Variants in ATP8B4 observed in about 807,000 individuals in gnomAD.
ATP8B4 encodes probable phospholipid-transporting ATPase IM.
Under a neutral mutation model 145.6 loss-of-function variants are expected in ATP8B4, and 133 were observed. That is an observed-to-expected ratio of 0.91 (90% CI 0.79 to 1.05). The LOEUF is 1.05. Ranked by LOEUF, ATP8B4 falls within the 50% of genes least tolerant of loss-of-function variation. The probability of loss-of-function intolerance (pLI) is 0.00; values close to 1 mark genes in which losing one functional copy is unlikely to be tolerated. For missense variants in ATP8B4, 1,458 were observed against 1,425.2 expected, an observed-to-expected ratio of 1.02 and a Z score of -0.37; for synonymous variants, 507 against 492.9, an observed-to-expected ratio of 1.03 and a Z score of -0.38.
Position 49,878,074 on chromosome 15 carries a change from A to G in ATP8B4, c.2781+1302T>C, listed in dbSNP as rs185903624. Among the ~76,000 whole-genome samples, 359 of 152,308 alleles carry G rather than the reference A, an allele frequency of 2.4e-3. 3 individuals carry two copies. Among genetic ancestry groups the G allele is most frequent in the African/African-American group, 8.3e-3 (347 of 41,562 alleles). On this transcript the variant is annotated intron_variant, in intron 24 of 27. Transcript: ENST00000284509. ...TAAGGGCCAAGGTTGACAAAGCAGGAAAGGAGAGAGGAGCAGACACTCAAC... is the reference window on the plus strand; with the variant it reads ...TAAGGGCCAAGGTTGACAAAGCAGGGAAGGAGAGAGGAGCAGACACTCAAC...
rs770659211 is a variant in ATP8B4, at chr15:50,002,202, T to A, written c.457A>T (p.Ser153Cys). ...TAACAGAGACCATGTGGCTCACTAC[T>A]TGATAGGAGAAGTAAATCAGCCTAT... ...FVAADLLLLS[S>C]SEPHGLCYVE... The change falls in exon 8 of 28, where the codon AGT becomes TGT. Residue 153 changes from serine to cysteine, a missense_variant. Coordinates refer to ENST00000284509, the MANE Select transcript of ATP8B4 (RefSeq NM_024837.4). 3 of 1,610,846 alleles carry A rather than the reference T, an allele frequency of 1.9e-6. No individual in the cohort carries two copies. In the South Asian group the frequency reaches 3.3e-5, roughly 18 times the overall value.
intron 20 of ATP8B4, among the ~76,000 whole-genome samples, chr15:49,910,606 A>G (rs1424905349): frequency 6.6e-6 from 1 of 152,204 alleles, no homozygotes; most frequent in Non-Finnish European, 1.5e-5. Flanking sequence ...AGAGAAAAGC[A>G]TCTAGTCACC....
chr15:49,988,183 G>A (rs1351695834), intron 9 of ATP8B4, among the ~76,000 whole-genome samples: 1 of 152,160 alleles, frequency 6.6e-6, no homozygotes, highest in African/African-American at 2.4e-5. Flanking sequence ...CTGGCTAGAA[G>A]ATGTTTCTAG....
intron 6 of ATP8B4, among the ~76,000 whole-genome samples, chr15:50,038,354 A>G (rs1050423839): frequency 6.6e-6 from 1 of 152,218 alleles, no homozygotes; most frequent in Non-Finnish European, 1.5e-5. Context: ...TGAATACAAA[A>G]TTCTTATCAC....
intron 5 of ATP8B4, among the ~76,000 whole-genome samples, chr15:50,041,739 G>A (rs2051300126): frequency 6.6e-6 from 1 of 152,176 alleles, no homozygotes; most frequent in Non-Finnish European, 1.5e-5. Flanking sequence ...GTCAGATCGA[G>A]ACCATCTTGG....
chr15:50,033,488 T>C (rs180676308), intron 6 of ATP8B4, among the ~76,000 whole-genome samples: 2 of 152,310 alleles, frequency 1.3e-5, no homozygotes, highest in Admixed American at 1.3e-4. Flanking sequence ...CCTGGAAGAA[T>C]GAACAGAGAA....
intron 20 of ATP8B4, among the ~76,000 whole-genome samples, chr15:49,906,701 G>C (rs1309507637): frequency 1.3e-5 from 2 of 152,178 alleles, no homozygotes; most frequent in Non-Finnish European, 2.9e-5. Flanking sequence ...GAAAAAGAAG[G>C]GGGGGATTTC....
intron 20 of ATP8B4, among the ~76,000 whole-genome samples, chr15:49,908,965 C>G (rs1231289629): frequency 2.0e-5 from 3 of 152,180 alleles, no homozygotes; most frequent in Non-Finnish European, 4.4e-5. Flanking sequence ...TCCCACTCAC[C>G]CCAGCAGCCA....
intron 1 of ATP8B4, among the ~76,000 whole-genome samples, chr15:50,155,966 G>C (rs1335116558): frequency 1.3e-5 from 2 of 149,294 alleles, no homozygotes; most frequent in Admixed American, 6.7e-5. Context: ...AATGAGTTTA[G>C]GGCTAAACTT....
At chr15:50,086,055 A>G (rs1316080087) in intron 2 of ATP8B4, among the ~76,000 whole-genome samples, 1 of 108,208 alleles carries the variant, frequency 9.2e-6, no homozygotes, top group Admixed American at 1.2e-4. Context: ...ATATAGATCT[A>G]TATATATTAT....
chr15:49,860,573 TA>T, intron 27 of ATP8B4, 98 bp from the exon 28 acceptor site: 3 of 1,352,960 alleles, frequency 2.2e-6, no homozygotes, highest in Non-Finnish European at 3.0e-6. Flanking sequence ...TTTTTATAAG[TA>T]AAAACAACAT....
intron 3 of ATP8B4, among the ~76,000 whole-genome samples, chr15:50,072,320 G>A (rs1006781979): frequency 3.9e-5 from 6 of 152,036 alleles, no homozygotes; most frequent in Admixed American, 2.6e-4. Flanking sequence ...AGGTCTTATA[G>A]GCCACATATC....
At chr15:50,072,980 C>CTCTA (rs2053904370) in intron 3 of ATP8B4, among the ~76,000 whole-genome samples, 1 of 22,888 alleles carries the variant, frequency 4.4e-5, no homozygotes, top group Non-Finnish European at 7.4e-5. Flanking sequence ...CTCTCTCTCT[C>CTCTA]TATATATATA....
In ATP8B4 at chr15:49,860,419, AGGCCTTC is replaced by A; in HGVS notation, c.3347_3353del (p.Arg1116LeufsTer64). Reference sequence around the variant, plus strand: ...TTCTTGAGCTTGACCTGCGGGTCCGAGGCCTTCGGCTACTTGGAGGCCTTGCCTTCTT... The same window carrying A: ...TTCTTGAGCTTGACCTGCGGGTCCGAGGCTACTTGGAGGCCTTGCCTTCTT... On this transcript the variant is annotated frameshift_variant, in exon 28 of 28. Transcript: ENST00000284509. LOFTEE classifies it high-confidence loss of function. The A allele has an allele frequency of 6.2e-7, 1 of 1,614,050 alleles. No individual in the cohort carries two copies. The highest frequency in any genetic ancestry group is 8.5e-7 in the Non-Finnish European group (1 of 1,179,988).
intron 14 of ATP8B4, among the ~76,000 whole-genome samples, chr15:49,953,965 C>T (rs868217515): frequency 7.9e-5 from 12 of 152,314 alleles, no homozygotes; most frequent in South Asian, 4.1e-4. Flanking sequence ...AGGCCGCCCA[C>T]CACACTGCTC....
chr15:50,176,332 GCATAAGAATAATACAATGGA>G lies in ATP8B4; in HGVS notation c.-43+5909_-43+5928del. On this transcript the variant is annotated intron_variant, in intron 1 of 3. Coordinates refer to the ATP8B4 transcript ENST00000558829. ...GGAGCTAAGCTGTGAGGATGCAAAGGCATAAGAATAATACAATGGACTTTGGGGACTTGGGAAGAGTAGAA... is the reference window on the plus strand; with the variant it reads ...GGAGCTAAGCTGTGAGGATGCAAAGGCTTTGGGGACTTGGGAAGAGTAGAA... Among the ~76,000 whole-genome samples the G allele has an allele frequency of 2.0e-5, 3 of 152,118 alleles. 1 individual carries two copies. The East Asian group carries it at 5.8e-4, about 30-fold the overall frequency.
chr15:49,966,074 C>T (rs1033794302), intron 13 of ATP8B4, among the ~76,000 whole-genome samples: 3 of 152,206 alleles, frequency 2.0e-5, no homozygotes, highest in Non-Finnish European at 2.9e-5. Context: ...CCATGAAGAA[C>T]GGTGCATTCC....
chr15:50,002,559 T>C (rs1283614845), intron 7 of ATP8B4, among the ~76,000 whole-genome samples: 1 of 151,984 alleles, frequency 6.6e-6, no homozygotes, highest in Non-Finnish European at 1.5e-5. Flanking sequence ...CTCCAATAAA[T>C]AATTGGAAAT....
chr15:50,092,663 A>G (rs1348265386), intron 2 of ATP8B4, among the ~76,000 whole-genome samples: 1 of 152,040 alleles, frequency 6.6e-6, no homozygotes, highest in Non-Finnish European at 1.5e-5. Context: ...AAATATGAAA[A>G]CTGCATATGG....
Sources: allele counts gnomAD v4.1 joint callset (sites outside exome capture counted in the v4.1 genomes callset), GRCh38; gene constraint gnomAD v4.1.1; transcripts MANE v1.5; gene names NCBI Gene and HGNC (gene_info 2026-07-23, HGNC 2026-07-21).